The following RIC8B variants were observed in gnomAD, a reference collection of about 807,000 sequenced individuals.
RIC8B encodes RIC8 guanine nucleotide exchange factor B, also known as chaperone Ric-8B.
Under a neutral mutation model 57.5 loss-of-function variants are expected in RIC8B, and 16 were observed. The ratio of observed to expected loss-of-function variants is 0.28; its 90% CI spans 0.19 to 0.42. The LOEUF (loss-of-function observed/expected upper bound fraction) is 0.42. Among genes scored for constraint, RIC8B ranks in the 10% least tolerant of loss-of-function variants. RIC8B has a pLI of 1.00. For missense variants in RIC8B, 481 were observed against 677.0 expected (o/e 0.71, Z 3.21); for synonymous variants, 216 against 250.8 (o/e 0.86, Z 1.31).
At chr12:106,809,522 CAAAAAAAAA>C (rs201411394) in intron 2 of RIC8B, among the ~76,000 whole-genome samples, 154 of 105,568 alleles carry the variant, frequency 1.5e-3, no homozygotes, top group African/African-American at 3.9e-3. Flanking sequence ...ACTCTTGTCT[CAAAAAAAAA>C]AAAAAAAAAA....
At chr12:106,802,264 A>C (rs2044766073) in intron 2 of RIC8B, among the ~76,000 whole-genome samples, 1 of 152,182 alleles carries the variant, frequency 6.6e-6, no homozygotes, top group Non-Finnish European at 1.5e-5. Flanking sequence ...TATGTACCAA[A>C]ATTACCCTAT....
At chr12:106,781,690 TG>T (rs2043769832) in intron 1 of RIC8B, among the ~76,000 whole-genome samples, 1 of 152,212 alleles carries the variant, frequency 6.6e-6, no homozygotes, top group Non-Finnish European at 1.5e-5. Flanking sequence ...ACTTACTGAG[TG>T]TCTTTCCAAA....
At position 106,843,899 on chromosome 12, in the gene RIC8B, C is replaced by A; in HGVS notation, c.1113C>A (p.Thr371=). The A allele has an allele frequency of 6.2e-7, 1 of 1,613,560 alleles. No homozygotes were observed. The highest frequency in any genetic ancestry group is 8.5e-7 in the Non-Finnish European group (1 of 1,179,854). Residue 371 remains threonine, a synonymous_variant, in exon 6 of 10, where the codon ACC becomes ACA. Coordinates refer to ENST00000392837, the MANE Select transcript of RIC8B (RefSeq NM_001330145.2). ...TAACTCCAGTTCTCAGCTTATTAAC[C>A]GAATGTTCCCGAGCCCATCGAAACA... ...EGLTPVLSLL[T]ECSRAHRNIR... is the part of the protein sequence containing the mutation.
intron 2 of RIC8B, among the ~76,000 whole-genome samples, chr12:106,800,033 A>G (rs2044658840): frequency 6.6e-6 from 1 of 152,150 alleles, no homozygotes; most frequent in African/African-American, 2.4e-5. Context: ...GTGTGCTCAC[A>G]TAACCACTTC....
intron 4 of RIC8B, among the ~76,000 whole-genome samples, chr12:106,834,737 A>C (rs991789044): frequency 6.6e-6 from 1 of 152,048 alleles, no homozygotes; most frequent in East Asian, 1.9e-4. Context: ...TAATCCCAGC[A>C]CTTTGGGAGG....
intron 9 of RIC8B, among the ~76,000 whole-genome samples, chr12:106,884,714 G>A (rs1317902746): frequency 6.6e-6 from 1 of 152,114 alleles, no homozygotes; most frequent in Non-Finnish European, 1.5e-5. Flanking sequence ...TCTTCATTAG[G>A]CTCCTGTTGG....
chr12:106,818,477 T>A (rs1255156102), intron 3 of RIC8B, among the ~76,000 whole-genome samples: 3 of 152,086 alleles, frequency 2.0e-5, no homozygotes, highest in African/African-American at 7.2e-5. Context: ...CTTTTTTAAC[T>A]AAAGAACAGG....
At chr12:106,818,058 TC>T (rs1162131118) in intron 3 of RIC8B, among the ~76,000 whole-genome samples, 2 of 152,228 alleles carry the variant, frequency 1.3e-5, no homozygotes. Context: ...AACATTTTTT[TC>T]CTTTTTATGA....
chr12:106,847,732 A>G (rs1164050917), intron 6 of RIC8B, among the ~76,000 whole-genome samples: 1 of 152,130 alleles, frequency 6.6e-6, no homozygotes, highest in Non-Finnish European at 1.5e-5. Flanking sequence ...TACATAAAGG[A>G]TCTGGGATAT....
intron 2 of RIC8B, among the ~76,000 whole-genome samples, chr12:106,810,896 A>G (rs2045307632): frequency 6.6e-6 from 1 of 152,170 alleles, no homozygotes; most frequent in African/African-American, 2.4e-5. Context: ...TCTTGCAGTA[A>G]ATGAGGTCCA....
At chr12:106,863,967 T>C (rs1433189098) in intron 8 of RIC8B, among the ~76,000 whole-genome samples, 1 of 152,130 alleles carries the variant, frequency 6.6e-6, no homozygotes, top group Non-Finnish European at 1.5e-5. Flanking sequence ...TGTATATATA[T>C]TCAGTATGTA....
chr12:106,879,323 T>C lies in RIC8B; in HGVS notation c.1572-6581T>C, dbSNP rs1950813972. 1 of 985,286 alleles carries C rather than the reference T, an allele frequency of 1.0e-6. No homozygotes were observed. Among genetic ancestry groups the C allele is most frequent in the Non-Finnish European group, 1.2e-6 (1 of 829,918 alleles). 61.0% of individuals were successfully genotyped at this position (985,286 alleles called of 1,614,324 possible). A position where few individuals can be genotyped will look rare whatever the true frequency, so the allele number is the denominator to read the frequency against. On this transcript the variant is annotated intron_variant, in intron 9 of 9. Coordinates refer to ENST00000392837, the MANE Select transcript of RIC8B (RefSeq NM_001330145.2). The surrounding 1 kb of genome is among the most constrained non-coding windows in gnomAD (Gnocchi z 4.9). The stretch of plus-strand genomic sequence containing the variant: ...AAAGTGTTTTATACACATACACGTC[T>C]GACCTATTCTATATTGTGCGATTGG...
chr12:106,887,191 C>T lies in RIC8B; in HGVS notation c.*1176C>T, dbSNP rs563290867. The stretch of plus-strand genomic sequence containing the variant: ...GTATATATATGTATGTATATACACA[C>T]GTACATACATTCATATATATACATA... On this transcript the variant is annotated 3_prime_UTR_variant, in exon 10 of 10. Transcript: ENST00000392837. 2.1e-4 allele frequency: 32 copies of T among 152,486 alleles called. No homozygotes were observed. In the East Asian group the frequency reaches 4.3e-3, roughly 20 times the overall value. The allele number at this position is 152,486 out of a possible 1,614,324, so 9.4% of individuals were successfully genotyped here.
Position 106,815,114 on chromosome 12 carries a change from A to T in RIC8B, c.551A>T (p.Tyr184Phe). The T allele has an allele frequency of 1.2e-6, 2 of 1,614,258 alleles. 1 individual carries two copies. The highest frequency in any genetic ancestry group is 2.2e-5 in the South Asian group (2 of 91,088). Residue 184 changes from tyrosine to phenylalanine, a missense_variant, in exon 3 of 10, where the codon TAT becomes TTT. Transcript: ENST00000392837. The stretch of plus-strand genomic sequence containing the variant: ...ACCGACATCAGGTCACAATTGCGCT[A>T]TGAGCTCCAGGGACTACCGCTGCTA... ...LHTDIRSQLR[Y>F]ELQGLPLLTQ... is the part of the protein sequence containing the mutation.
chr12:106,825,889 T>C, intron 4 of RIC8B, 69 bp downstream of exon 4: 1 of 1,026,554 alleles, frequency 9.7e-7, no homozygotes. Context: ...ATGCATCTAA[T>C]TTCAATTGTT....
chr12:106,778,256 C>T (rs537062497), intron 1 of RIC8B, among the ~76,000 whole-genome samples: 3 of 152,148 alleles, frequency 2.0e-5, no homozygotes, highest in Admixed American at 6.5e-5. Flanking sequence ...TGTCGGGCTC[C>T]GGGAAACATC....
chr12:106,797,762 C>A (rs186779524), intron 2 of RIC8B, among the ~76,000 whole-genome samples: 5 of 152,274 alleles, frequency 3.3e-5, no homozygotes, highest in Admixed American at 2.6e-4. Flanking sequence ...CACAACAAAG[C>A]TATAAAGTAG....
chr12:106,886,039 A>G lies in RIC8B; in HGVS notation c.*24A>G, dbSNP rs1267618973. ...AAAAGCATCACCTGCTCAACTCTCA[A>G]TATTGCTTTATCAGCATCTTTTCTC... On this transcript the variant is annotated 3_prime_UTR_variant, in exon 10 of 10. Transcript: ENST00000392837. The G allele has an allele frequency of 1.2e-5, 18 of 1,461,262 alleles. No homozygotes were observed. Among genetic ancestry groups the G allele is most frequent in the Admixed American group, 6.7e-5 (4 of 59,558 alleles). 90.5% of individuals were successfully genotyped at this position (1,461,262 alleles called of 1,614,324 possible).
intron 4 of RIC8B, among the ~76,000 whole-genome samples, chr12:106,832,078 C>T (rs2046376596): frequency 2.6e-5 from 4 of 152,098 alleles, no homozygotes; most frequent in Admixed American, 2.6e-4. Context: ...AGGCTGAGTC[C>T]TTCTTGACAC....
Sources: allele counts gnomAD v4.1 joint callset (sites outside exome capture counted in the v4.1 genomes callset), GRCh38; gene constraint gnomAD v4.1.1; non-coding constraint Gnocchi (gnomAD v3.1); transcripts MANE v1.5; gene names NCBI Gene and HGNC (gene_info 2026-07-23, HGNC 2026-07-21).